RAPGEF2: variants seen among roughly 807,000 people sequenced by gnomAD.
RAPGEF2 encodes the protein Rap guanine nucleotide exchange factor 2, also known as PDZ domain containing guanine nucleotide exchange factor (GEF) 1.
RAPGEF2 carries 54 observed loss-of-function variants against 186.7 expected under a neutral mutation model. The ratio of observed to expected loss-of-function variants is 0.29; its 90% CI spans 0.23 to 0.36. RAPGEF2 has a LOEUF of 0.36. Ranked by LOEUF, RAPGEF2 falls within the 10% of genes least tolerant of loss-of-function variation. RAPGEF2 has a pLI of 1.00. For synonymous variants in RAPGEF2, 712 were observed against 705.9 expected, an observed-to-expected ratio of 1.01 and a Z score of -0.14; for missense variants, 1,532 against 2,045.0, an observed-to-expected ratio of 0.75 and a Z score of 4.84.
intron 1 of RAPGEF2, among the ~76,000 whole-genome samples, chr4:159,125,974 G>T (rs575966127): frequency 2.0e-5 from 3 of 152,090 alleles, no homozygotes; most frequent in African/African-American, 7.2e-5. Flanking sequence ...GTATAACTTT[G>T]TAGAAAAATG....
At chr4:159,341,302 AAAAG>A (rs1173582039) in intron 19 of RAPGEF2, among the ~76,000 whole-genome samples, 2 of 152,356 alleles carry the variant, frequency 1.3e-5, no homozygotes, top group East Asian at 3.9e-4. Flanking sequence ...AGAAATCAGG[AAAAG>A]AAAGGATAGA....
intron 2 of RAPGEF2, among the ~76,000 whole-genome samples, chr4:159,192,508 T>C (rs1487709173): frequency 6.6e-6 from 1 of 152,254 alleles, no homozygotes; most frequent in East Asian, 1.9e-4. Context: ...AATTCTCTGA[T>C]TTGCATTTCT....
At chr4:159,350,420 A>G (rs536966007) in intron 26 of RAPGEF2, 131 bp downstream of exon 26, 17 of 719,872 alleles carry the variant, frequency 2.4e-5, no homozygotes, top group South Asian at 2.0e-4. Flanking sequence ...GCAATGCCCA[A>G]TGGATTTTTT....
intron 9 of RAPGEF2, among the ~76,000 whole-genome samples, chr4:159,317,387 C>A (rs1327773631): frequency 3.3e-5 from 5 of 152,096 alleles, no homozygotes; most frequent in Non-Finnish European, 7.4e-5. Flanking sequence ...TGTTCTGTTG[C>A]AGTCTATTAG....
At chr4:159,240,291 A>G (rs1212959533) in intron 5 of RAPGEF2, among the ~76,000 whole-genome samples, 2 of 150,444 alleles carry the variant, frequency 1.3e-5, no homozygotes, top group East Asian at 3.9e-4. Context: ...GGAATAACCT[A>G]ATGTAACTTT....
chr4:159,339,487 T>A, intron 19 of RAPGEF2, 133 bp downstream of exon 19: 1 of 1,212,886 alleles, frequency 8.2e-7, no homozygotes, highest in Non-Finnish European at 1.1e-6. Context: ...TTGTTGTTGT[T>A]TTTTTTTTCC....
intron 1 of RAPGEF2, among the ~76,000 whole-genome samples, chr4:159,106,994 T>C (rs1465637982): frequency 6.6e-6 from 1 of 152,154 alleles, no homozygotes; most frequent in East Asian, 1.9e-4. Flanking sequence ...AAAATTATCA[T>C]CTAAGTTTTA....
chr4:159,267,722 GA>G (rs1283067420), intron 7 of RAPGEF2: 1 of 1,010,294 alleles, frequency 9.9e-7, no homozygotes, highest in African/African-American at 1.7e-5. Context: ...ATACCACCCT[GA>G]CTAATATAAT....
intron 2 of RAPGEF2, among the ~76,000 whole-genome samples, chr4:159,189,007 A>G (rs1032795407): frequency 4.3e-5 from 6 of 140,402 alleles, no homozygotes; most frequent in African/African-American, 1.7e-4. Flanking sequence ...AATAACAAAA[A>G]TAGAGGTACA....
At chr4:159,302,470 A>G (rs1327519000) in intron 7 of RAPGEF2, among the ~76,000 whole-genome samples, 3 of 152,186 alleles carry the variant, frequency 2.0e-5, no homozygotes, top group African/African-American at 7.2e-5. Context: ...TAAGCCATAG[A>G]GTAATGTTTC....
At chr4:159,164,318 TTC>T (rs1404331501) in intron 1 of RAPGEF2, among the ~76,000 whole-genome samples, 137 of 151,830 alleles carry the variant, frequency 9.0e-4, no homozygotes, top group African/African-American at 3.0e-3. Flanking sequence ...TTTTTTTTTT[TTC>T]CTTCTTCTTC....
At chr4:159,211,426 T>C (rs1008953981) in intron 4 of RAPGEF2, among the ~76,000 whole-genome samples, 5 of 150,586 alleles carry the variant, frequency 3.3e-5, no homozygotes, top group African/African-American at 1.3e-4. Context: ...TTATTTTAAA[T>C]TACTAAATAA....
At position 159,234,843 on chromosome 4, in the gene RAPGEF2, T is replaced by C. The variant is rs1253422118; in HGVS notation, c.282-3966T>C. Among the ~76,000 whole-genome samples the C allele has an allele frequency of 4.6e-5, 7 of 152,312 alleles. No individual in the cohort carries two copies. In the South Asian group the frequency reaches 8.3e-4, roughly 18 times the overall value. The stretch of plus-strand genomic sequence containing the variant: ...GGTGCAATCTCGACTCACTGTGACC[T>C]CCGTCTCCTGAGTTCAAGCGATTCT... On this transcript the variant is annotated intron_variant, in intron 4 of 29. Coordinates refer to ENST00000691494, the MANE Select transcript of RAPGEF2 (RefSeq NM_001394067.2).
intron 1 of RAPGEF2, among the ~76,000 whole-genome samples, chr4:159,108,930 A>G (rs1738197989): frequency 6.6e-6 from 1 of 151,966 alleles, no homozygotes; most frequent in Non-Finnish European, 1.5e-5. Flanking sequence ...TGTTGCCTAG[A>G]CTGGTCATGA....
intron 9 of RAPGEF2, among the ~76,000 whole-genome samples, chr4:159,317,598 A>G (rs1312465916): frequency 6.6e-6 from 1 of 152,146 alleles, no homozygotes; most frequent in South Asian, 2.1e-4. Flanking sequence ...ATTTCTAAAA[A>G]CGGGTTTCAC....
chr4:159,198,302 CTTTCTTTCTTTCTTT>C lies in RAPGEF2; in HGVS notation c.197+5047_197+5061del. On this transcript the variant is annotated intron_variant, in intron 3 of 29. Transcript: ENST00000691494. ...TCTTTCTTTCTTTCTTTCTTTCTTT[CTTTCTTTCTTTCTTT>C]CTTTCTTTCTTTCTTTCTTTTTCTT... 2.9e-5 allele frequency among the ~76,000 whole-genome samples: 2 copies of C among 68,222 alleles called. 1 individual carries two copies. The highest frequency in any genetic ancestry group is 5.1e-5 in the Non-Finnish European group (2 of 39,324). 44.8% of individuals were successfully genotyped at this position (68,222 alleles called of 152,430 possible).
chr4:159,218,513 T>C (rs1751199428), intron 4 of RAPGEF2, among the ~76,000 whole-genome samples: 1 of 152,190 alleles, frequency 6.6e-6, no homozygotes, highest in South Asian at 2.1e-4. Flanking sequence ...CCCAGCACTT[T>C]GGGAGGCTGA....
Position 159,355,880 on chromosome 4 carries a change from C to CCGG in RAPGEF2, c.4680_4681insGGC (p.Pro1560_Pro1561insGly). The CCGG allele has an allele frequency of 6.5e-7, 1 of 1,526,968 alleles. No individual in the cohort carries two copies. The highest frequency in any genetic ancestry group is 8.9e-7 in the Non-Finnish European group (1 of 1,126,512). The allele number at this position is 1,526,968 out of a possible 1,614,324, so 94.6% of individuals were successfully genotyped here. ...CGAAAGGAGGGCAGGTATCGAGAGC[C>CCGG]CCCGCCCACCCCTCCCGGCTACATT... On this transcript the variant is annotated inframe_insertion, in exon 29 of 30. Coordinates refer to ENST00000691494, the MANE Select transcript of RAPGEF2 (RefSeq NM_001394067.2).
chr4:159,335,577 G>T (rs1405825510), intron 17 of RAPGEF2, among the ~76,000 whole-genome samples: 1 of 152,146 alleles, frequency 6.6e-6, no homozygotes, highest in African/African-American at 2.4e-5. Context: ...TGAGTGCGCG[G>T]TGGCTCACGC....
Sources: allele counts gnomAD v4.1 joint callset (sites outside exome capture counted in the v4.1 genomes callset), GRCh38; gene constraint gnomAD v4.1.1; transcripts MANE v1.5; gene names NCBI Gene and HGNC (gene_info 2026-07-23, HGNC 2026-07-21).